ROBO2: variants seen among roughly 807,000 people sequenced by gnomAD.
ROBO2 encodes the protein roundabout homolog 2.
Under a neutral mutation model 160.8 loss-of-function variants are expected in ROBO2, and 53 were observed. The ratio of observed to expected loss-of-function variants is 0.33; its 90% confidence interval spans 0.26 to 0.41. The LOEUF (loss-of-function observed/expected upper bound fraction) is 0.41, where lower values mean the gene tolerates loss of function less well. Among genes scored for constraint, ROBO2 ranks in the 10% least tolerant of loss-of-function variants. ROBO2 has a pLI of 1.00. For missense variants in ROBO2, 1,577 were observed against 1,722.4 expected (o/e 0.92, Z 1.49); for synonymous variants, 664 against 611.7 (o/e 1.09, Z -1.26).
intron 2 of ROBO2, among the ~76,000 whole-genome samples, chr3:76,809,759 C>T (rs1240877269): frequency 1.3e-5 from 2 of 151,966 alleles, no homozygotes; most frequent in East Asian, 1.9e-4. Context: ...AGGAGGCATT[C>T]TTTTTAAATT....
intron 2 of ROBO2, among the ~76,000 whole-genome samples, chr3:76,326,150 T>G (rs2072996356): frequency 6.6e-6 from 1 of 152,176 alleles, no homozygotes; most frequent in Admixed American, 6.5e-5. Flanking sequence ...GTTTGAGTAA[T>G]TATCATAGCG....
chr3:77,482,649 C>A (rs2153590469), intron 4 of ROBO2, among the ~76,000 whole-genome samples: 1 of 152,292 alleles, frequency 6.6e-6, no homozygotes, highest in East Asian at 1.9e-4. Context: ...AGAGCTCAGA[C>A]AAGTGTCAGT....
intron 2 of ROBO2, among the ~76,000 whole-genome samples, chr3:76,257,258 TAAATC>T (rs959382289): frequency 1.2e-4 from 18 of 152,042 alleles, no homozygotes; most frequent in African/African-American, 4.1e-4. Flanking sequence ...AATTCCTTCT[TAAATC>T]AAAGTTTCTT....
At chr3:77,129,742 T>C (rs186079075) in intron 2 of ROBO2, among the ~76,000 whole-genome samples, 2 of 152,292 alleles carry the variant, frequency 1.3e-5, no homozygotes, top group South Asian at 2.1e-4. Flanking sequence ...ATCGATTTGC[T>C]GAGCATACTT....
At chr3:77,026,422 A>G (rs2062969011) in intron 2 of ROBO2, among the ~76,000 whole-genome samples, 1 of 152,244 alleles carries the variant, frequency 6.6e-6, no homozygotes, top group Admixed American at 6.5e-5. Context: ...ACAATGGGAC[A>G]GCAGTTTCAC....
chr3:76,445,004 G>A (rs1383536133), intron 2 of ROBO2, among the ~76,000 whole-genome samples: 3 of 151,996 alleles, frequency 2.0e-5, no homozygotes, highest in African/African-American at 7.3e-5. Flanking sequence ...TATGAAACAT[G>A]CAGAATCAAC....
At chr3:76,316,762 A>T (rs1278848679) in intron 2 of ROBO2, among the ~76,000 whole-genome samples, 1 of 152,212 alleles carries the variant, frequency 6.6e-6, no homozygotes, top group Non-Finnish European at 1.5e-5. Context: ...CAGGTGTAAG[A>T]AATTATAAAA....
intron 2 of ROBO2, among the ~76,000 whole-genome samples, chr3:75,987,994 T>G (rs934509004): frequency 6.6e-6 from 1 of 151,684 alleles, no homozygotes; most frequent in African/African-American, 2.4e-5. Flanking sequence ...TTTCTTGTTT[T>G]TTTGTTTTTT....
rs542057834 is a variant in ROBO2, at chr3:77,312,279, C to T, written c.389-165135C>T. On this transcript the variant is annotated intron_variant, in intron 2 of 25. Transcript: ENST00000461745. ...GTATTTTTGTGATTACATATCTAGA[C>T]AACTTTCAAAACAACCAGTCAGTGG... Among the ~76,000 whole-genome samples, 46 of 152,264 alleles carry T rather than the reference C, an allele frequency of 3.0e-4. 1 individual carries two copies. The highest frequency in any genetic ancestry group is 1.0e-3 in the African/African-American group (42 of 41,548).
At chr3:77,385,428 T>G (rs1180191904) in intron 2 of ROBO2, among the ~76,000 whole-genome samples, 1 of 152,332 alleles carries the variant, frequency 6.6e-6, no homozygotes, top group Non-Finnish European at 1.5e-5. Flanking sequence ...TCAAAATTAT[T>G]ATCATTTAAA....
At chr3:77,066,119 G>A (rs941024104) in intron 1 of ROBO2, among the ~76,000 whole-genome samples, 10 of 151,900 alleles carry the variant, frequency 6.6e-5, no homozygotes, top group Non-Finnish European at 5.9e-5. Flanking sequence ...TTTGGTGATC[G>A]ATAACAGCAC....
intron 17 of ROBO2, among the ~76,000 whole-genome samples, chr3:77,589,548 G>A (rs1489408279): frequency 2.0e-5 from 3 of 152,018 alleles, no homozygotes; most frequent in Admixed American, 1.3e-4. Flanking sequence ...GAAAGAAGCC[G>A]AAGCAGAACA....
rs1237116573 is a variant in ROBO2 at position 76,291,194 on chromosome 3, C to T, written c.109+353592C>T. ...TCCAGGGCTTTTTCTGGTTTGTAGG[C>T]TTTTTATTGCTGATTCAACTTTGGA... On this transcript the variant is annotated intron_variant, in intron 2 of 26. Coordinates refer to the ROBO2 transcript ENST00000487694. Among the ~76,000 whole-genome samples, 6 of 152,014 alleles carry T rather than the reference C, an allele frequency of 3.9e-5. No individual in the cohort carries two copies. The East Asian group carries it at 1.2e-3, about 29-fold the overall frequency.
At chr3:76,707,664 A>C (rs1309177751) in intron 2 of ROBO2, among the ~76,000 whole-genome samples, 9 of 151,250 alleles carry the variant, frequency 6.0e-5, no homozygotes, top group African/African-American at 2.2e-4. Flanking sequence ...CTCTGTGTTC[A>C]TGCCTAGTAC....
intron 2 of ROBO2, among the ~76,000 whole-genome samples, chr3:76,892,150 A>T (rs1015492351): frequency 6.6e-6 from 1 of 151,990 alleles, no homozygotes; most frequent in African/African-American, 2.4e-5. Flanking sequence ...TGGGAAGGTA[A>T]GAAGCGTCCT....
chr3:77,097,859 G>C (rs759061287), intron 1 of ROBO2, among the ~76,000 whole-genome samples, 155 bp from the exon 2 acceptor site: 7 of 152,194 alleles, frequency 4.6e-5, no homozygotes, highest in Admixed American at 2.6e-4. Flanking sequence ...CAAAGGAGTT[G>C]AGATGACTTA....
At chr3:77,225,301 C>A (rs2086343711) in intron 2 of ROBO2, among the ~76,000 whole-genome samples, 1 of 151,742 alleles carries the variant, frequency 6.6e-6, no homozygotes, top group African/African-American at 2.4e-5. Context: ...GTACTGAAAG[C>A]AAAAATGGAT....
chr3:76,340,087 A>G (rs1486531919), intron 2 of ROBO2, among the ~76,000 whole-genome samples: 1 of 151,388 alleles, frequency 6.6e-6, no homozygotes, highest in African/African-American at 2.4e-5. Flanking sequence ...ACCAATTGCA[A>G]AAAAAAAAAA....
rs1286277128 is a variant in ROBO2 at position 76,798,133 on chromosome 3, G to GAAAGAAGA, written c.110-299879_110-299878insAGAAGAAA. Among the ~76,000 whole-genome samples the GAAAGAAGA allele has an allele frequency of 2.2e-3, 117 of 54,160 alleles. 1 individual carries two copies. The highest frequency in any genetic ancestry group is 7.8e-3 in the African/African-American group (115 of 14,732). 35.5% of individuals were successfully genotyped at this position (54,160 alleles called of 152,430 possible). A position where few individuals can be genotyped will look rare whatever the true frequency, so the allele number is the denominator to read the frequency against. ...AGAAAGAAGAGAAAGAAGAAAGAAA[G>GAAAGAAGA]AAGAAAGAGAAAGAAAGAAAGAAAG... On this transcript the variant is annotated intron_variant, in intron 2 of 26. Transcript: ENST00000487694.
Sources: allele counts gnomAD v4.1 joint callset (sites outside exome capture counted in the v4.1 genomes callset), GRCh38; gene constraint gnomAD v4.1.1; transcripts MANE v1.5; gene names NCBI Gene and HGNC (gene_info 2026-07-23, HGNC 2026-07-21).